The following ADAM22 variants were observed in gnomAD, a reference collection of about 807,000 sequenced individuals.
ADAM22 encodes disintegrin and metalloproteinase domain-containing protein 22.
In ADAM22, 65 loss-of-function variants were observed where a neutral mutation model predicts 144.6. That is an observed-to-expected ratio of 0.45 (90% CI 0.37 to 0.55). The LOEUF (loss-of-function observed/expected upper bound fraction) is 0.55. ADAM22 is among the 20% of genes least tolerant of loss of function. ADAM22 has a pLI of 0.00. For synonymous variants in ADAM22, 391 were observed against 412.6 expected (o/e 0.95, Z 0.63); for missense variants, 974 against 1,184.9 (o/e 0.82, Z 2.61).
intron 21 of ADAM22, among the ~76,000 whole-genome samples, chr7:88,155,433 G>A (rs1026801653): frequency 2.6e-5 from 4 of 151,398 alleles, no homozygotes; most frequent in African/African-American, 9.7e-5. Flanking sequence ...TGAGGCAGGA[G>A]GACCACTGGA....
At chr7:88,075,109 A>G (rs1281232551) in intron 3 of ADAM22, among the ~76,000 whole-genome samples, 8 of 152,296 alleles carry the variant, frequency 5.3e-5, no homozygotes, top group East Asian at 3.9e-4. Context: ...GTTGTTTAGG[A>G]TTGATTTCAA....
Position 87,973,531 on chromosome 7 carries a change from G to T in ADAM22, c.247-4805G>T, listed in dbSNP as rs560419993. On this transcript the variant is annotated intron_variant, in intron 2 of 31. Transcript: ENST00000413139. ...CAACCATTGTGGAAGTCAGTGTGGC[G>T]ATTCCTCAGGGATCTAGAACTAGAA... Among the ~76,000 whole-genome samples, 42 of 152,068 alleles carry T rather than the reference G, an allele frequency of 2.8e-4. No individual in the cohort carries two copies. The East Asian group carries it at 5.0e-3, about 18-fold the overall frequency.
intron 2 of ADAM22, among the ~76,000 whole-genome samples, chr7:87,950,184 A>C (rs1018165188): frequency 6.6e-6 from 1 of 151,842 alleles, no homozygotes; most frequent in Non-Finnish European, 1.5e-5. Context: ...CATGTGCACA[A>C]TGTGCAGGTT....
In ADAM22 at chr7:88,194,408, A is replaced by G. The variant is rs1850244940; in HGVS notation, c.2874+1169A>G. ...TTACCTGAAAAGTCTGATTTGTTCT[A>G]TGCACTGTGGAACAGCCACATAAGC... is the stretch of plus-strand genomic sequence containing the variant. On this transcript the variant is annotated intron_variant, in intron 31 of 31. Coordinates refer to ENST00000413139, the MANE Select transcript of ADAM22 (RefSeq NM_001324418.2). Among the ~76,000 whole-genome samples, 2 of 152,156 alleles carry G rather than the reference A, an allele frequency of 1.3e-5. 1 individual carries two copies. The highest frequency in any genetic ancestry group is 4.1e-4 in the South Asian group (2 of 4,822).
chr7:88,200,079 C>T lies in ADAM22; in HGVS notation c.*3588C>T, dbSNP rs554346018. 2.0e-5 allele frequency: 3 copies of T among 152,236 alleles called. No individual in the cohort carries two copies. Among genetic ancestry groups the T allele is most frequent in the South Asian group, 4.1e-4 (2 of 4,824 alleles). The allele number at this position is 152,236 out of a possible 1,614,324, so 9.4% of individuals were successfully genotyped here. ...CCCAGATCTCTTGTGGCTACTTTAC[C>T]TGTTACCTTTTTTGGGATTTTGTTC... On this transcript the variant is annotated 3_prime_UTR_variant, in exon 32 of 32. Coordinates refer to ENST00000413139, the MANE Select transcript of ADAM22 (RefSeq NM_001324418.2).
chr7:88,051,175 A>G (rs1229538319), intron 3 of ADAM22, among the ~76,000 whole-genome samples: 3 of 152,198 alleles, frequency 2.0e-5, no homozygotes, highest in African/African-American at 4.8e-5. Context: ...TAGAAATACC[A>G]TTTGACCCAG....
At chr7:87,970,267 A>G (rs1036776589) in intron 2 of ADAM22, among the ~76,000 whole-genome samples, 2 of 152,130 alleles carry the variant, frequency 1.3e-5, no homozygotes, top group African/African-American at 4.8e-5. Context: ...GTATTTATTA[A>G]ACTGAAGATG....
chr7:87,959,764 T>C lies in ADAM22; in HGVS notation c.247-18572T>C, dbSNP rs78258837. On this transcript the variant is annotated intron_variant, in intron 2 of 31. Coordinates refer to ENST00000413139, the MANE Select transcript of ADAM22 (RefSeq NM_001324418.2). Reference sequence around the variant, plus strand: ...AAAAAGTTGAGTCTTCTGTGAAAATTAAGATGACTTTGCATTTGAAATATA... The same window carrying C: ...AAAAAGTTGAGTCTTCTGTGAAAATCAAGATGACTTTGCATTTGAAATATA... Among the ~76,000 whole-genome samples the C allele has an allele frequency of 6.6e-5, 10 of 152,350 alleles. No individual in the cohort carries two copies. In the East Asian group the frequency reaches 1.9e-3, roughly 29 times the overall value.
At chr7:88,097,558 A>G (rs1821720915) in intron 4 of ADAM22, among the ~76,000 whole-genome samples, 1 of 151,926 alleles carries the variant, frequency 6.6e-6, no homozygotes, top group African/African-American at 2.4e-5. Context: ...TTATGGTAAA[A>G]GTGGAGAAAA....
chr7:88,031,407 G>A (rs1800235322), intron 3 of ADAM22, among the ~76,000 whole-genome samples: 1 of 152,218 alleles, frequency 6.6e-6, no homozygotes, highest in African/African-American at 2.4e-5. Flanking sequence ...TATGGACAAT[G>A]AAGTTCAGGT....
rs796859301 is a variant in ADAM22 at position 88,006,882 on chromosome 7, G to A, written c.323+28470G>A. 4.7e-5 allele frequency among the ~76,000 whole-genome samples: 7 copies of A among 150,480 alleles called. No homozygotes were observed. In the South Asian group the frequency reaches 1.5e-3, roughly 33 times the overall value. ...TCTCTCACCACTCCTATTCAACATA[G>A]TGTTGGAAGTTCTGGCCAGGGCAAT... On this transcript the variant is annotated intron_variant, in intron 3 of 31. Transcript: ENST00000413139.
At chr7:88,105,564 C>G (rs1204188160) in intron 4 of ADAM22, among the ~76,000 whole-genome samples, 2 of 152,160 alleles carry the variant, frequency 1.3e-5, no homozygotes, top group Admixed American at 6.6e-5. Context: ...GTTAAATTTA[C>G]TCTTAGCCCT....
intron 3 of ADAM22, among the ~76,000 whole-genome samples, chr7:88,020,100 G>C (rs539422417): frequency 5.9e-5 from 9 of 152,050 alleles, no homozygotes; most frequent in Non-Finnish European, 1.3e-4. Flanking sequence ...AACAGAATGG[G>C]CTTTGCTGAT....
chr7:88,200,341 G>T lies in ADAM22; in HGVS notation c.*3850G>T, dbSNP rs187896896. The T allele has an allele frequency of 1.3e-5, 2 of 152,272 alleles. No homozygotes were observed. The highest frequency in any genetic ancestry group is 6.5e-5 in the Admixed American group (1 of 15,296). The allele number at this position is 152,272 out of a possible 1,614,324, so 9.4% of individuals were successfully genotyped here. A position where few individuals can be genotyped will look rare whatever the true frequency, so the allele number is the denominator to read the frequency against. ...TACTTTATTTTACTTAAAGGAAAGA[G>T]AATTTATTGGCAGGATATTGAGTAG... On this transcript the variant is annotated 3_prime_UTR_variant, in exon 32 of 32. Transcript: ENST00000413139.
intron 22 of ADAM22, among the ~76,000 whole-genome samples, chr7:88,162,480 A>G (rs1372050363): frequency 6.6e-6 from 1 of 152,102 alleles, no homozygotes; most frequent in East Asian, 1.9e-4. Context: ...ACCCCTGAAC[A>G]TAAAATAAAA....
chr7:88,039,102 G>GGAAAGAAA (rs1291189664), intron 3 of ADAM22, among the ~76,000 whole-genome samples: 58 of 151,930 alleles, frequency 3.8e-4, no homozygotes, highest in Non-Finnish European at 1.3e-4. Flanking sequence ...ATCTGCAAAG[G>GGAAAGAAA]ATGGTAGTCA....
At chr7:88,160,237 G>T (rs2129528922) in intron 22 of ADAM22, among the ~76,000 whole-genome samples, 1 of 152,212 alleles carries the variant, frequency 6.6e-6, no homozygotes, top group African/African-American at 2.4e-5. Context: ...ACAAAACACT[G>T]CTCAAAGAAA....
chr7:88,197,623 T>G lies in ADAM22; in HGVS notation c.*1132T>G, dbSNP rs1312719533. On this transcript the variant is annotated 3_prime_UTR_variant, in exon 32 of 32. Transcript: ENST00000413139. ...TCTAACCCTTTGTGGCCTGAAGTTTTGTTCCTTGGCAAAACTTTGTAGTCA... is the reference window on the plus strand; with the variant it reads ...TCTAACCCTTTGTGGCCTGAAGTTTGGTTCCTTGGCAAAACTTTGTAGTCA... The G allele has an allele frequency of 6.6e-6, 1 of 152,246 alleles. No homozygotes were observed. The highest frequency in any genetic ancestry group is 1.5e-5 in the Non-Finnish European group (1 of 68,050). 9.4% of individuals were successfully genotyped at this position (152,246 alleles called of 1,614,324 possible).
intron 2 of ADAM22, among the ~76,000 whole-genome samples, chr7:87,949,433 C>T (rs1844484686): frequency 6.6e-6 from 1 of 152,208 alleles, no homozygotes; most frequent in African/African-American, 2.4e-5. Context: ...TCATTCATGT[C>T]ACTTTATAGC....
Sources: gnomAD v4.1 joint callset for allele counts (sites outside exome capture counted in the v4.1 genomes callset) on GRCh38, gnomAD v4.1.1 for gene constraint, MANE v1.5 for transcripts, NCBI Gene and HGNC (gene_info 2026-07-23, HGNC 2026-07-21) for gene names.